PCDH7: variants seen among roughly 807,000 people sequenced by gnomAD.
PCDH7 encodes the protein protocadherin 7.
PCDH7 carries 17 observed loss-of-function variants against 58.9 expected under a neutral mutation model. The observed-to-expected ratio is 0.29, with a 90% CI of 0.20 to 0.43. The LOEUF (loss-of-function observed/expected upper bound fraction) is 0.43. Among genes scored for constraint, PCDH7 ranks in the 20% least tolerant of loss-of-function variants. The pLI, the probability that PCDH7 is intolerant of heterozygous loss-of-function variation, is 1.00. For missense variants in PCDH7, 1,274 were observed against 1,441.0 expected (o/e 0.88, Z 1.88); for synonymous variants, 664 against 616.4 (o/e 1.08, Z -1.14).
chr4:31,066,809 A>G (rs1758132471), intron 3 of PCDH7, among the ~76,000 whole-genome samples: 2 of 151,846 alleles, frequency 1.3e-5, no homozygotes, highest in African/African-American at 4.8e-5. Context: ...ATTTCCTTTA[A>G]CTCTCCACCT....
At chr4:30,890,274 T>C (rs1197578228) in intron 1 of PCDH7, among the ~76,000 whole-genome samples, 2 of 152,116 alleles carry the variant, frequency 1.3e-5, no homozygotes, top group Non-Finnish European at 2.9e-5. Context: ...TGTCTGACTT[T>C]CATTTAATGC....
intron 3 of PCDH7, among the ~76,000 whole-genome samples, chr4:30,995,298 A>G (rs1751790178): frequency 6.6e-6 from 1 of 152,092 alleles, no homozygotes; most frequent in Non-Finnish European, 1.5e-5. Flanking sequence ...CAGGAGGATC[A>G]TGAGGTCAGG....
At chr4:31,011,730 A>G (rs1455146847) in intron 3 of PCDH7, among the ~76,000 whole-genome samples, 2 of 152,020 alleles carry the variant, frequency 1.3e-5, no homozygotes, top group Non-Finnish European at 1.5e-5. Flanking sequence ...AATCACTACC[A>G]TAGTTCAAAA....
At chr4:30,984,605 T>A (rs146159609) in intron 3 of PCDH7, among the ~76,000 whole-genome samples, 2 of 152,266 alleles carry the variant, frequency 1.3e-5, no homozygotes, top group African/African-American at 4.8e-5. Flanking sequence ...AAACTTAAGG[T>A]TTAGAATTGT....
At position 31,119,566 on chromosome 4, in the gene PCDH7, C is replaced by T. The variant is rs115298905; in HGVS notation, c.*8-22907C>T. ...TTATTAAAAAGCTTTAGAGCAGGAACGAAAGGAAGAAAAGTATACTTGAAA... is the reference window on the plus strand; with the variant it reads ...TTATTAAAAAGCTTTAGAGCAGGAATGAAAGGAAGAAAAGTATACTTGAAA... On this transcript the variant is annotated intron_variant, in intron 3 of 3. Coordinates refer to the PCDH7 transcript ENST00000509759. 5.0e-3 allele frequency among the ~76,000 whole-genome samples: 765 copies of T among 152,032 alleles called. 9 individuals are homozygous for T. The highest frequency in any genetic ancestry group is 0.018 in the African/African-American group (739 of 41,470).
At chr4:31,100,781 A>G (rs1453849172) in intron 3 of PCDH7, among the ~76,000 whole-genome samples, 4 of 152,170 alleles carry the variant, frequency 2.6e-5, no homozygotes. Context: ...GTGGCCTGAT[A>G]TAAACTGTTT....
intron 3 of PCDH7, among the ~76,000 whole-genome samples, chr4:30,984,321 T>C (rs1750798408): frequency 6.6e-6 from 1 of 152,164 alleles, no homozygotes; most frequent in African/African-American, 2.4e-5. Context: ...TCCTTAAATA[T>C]TTGGGAATCT....
At chr4:31,004,595 A>G (rs1012098289) in intron 3 of PCDH7, among the ~76,000 whole-genome samples, 1 of 152,154 alleles carries the variant, frequency 6.6e-6, no homozygotes, top group Non-Finnish European at 1.5e-5. Context: ...CTGAGGCACA[A>G]GAATCGCTTG....
At chr4:30,845,425 T>C (rs1394726326) in intron 1 of PCDH7, among the ~76,000 whole-genome samples, 1 of 152,186 alleles carries the variant, frequency 6.6e-6, no homozygotes, top group Non-Finnish European at 1.5e-5. Flanking sequence ...AAGTTCCAGT[T>C]CTAGTAAAAC....
chr4:30,891,976 A>T (rs1040303067), intron 1 of PCDH7, among the ~76,000 whole-genome samples: 3 of 151,952 alleles, frequency 2.0e-5, no homozygotes, highest in African/African-American at 2.4e-5. Flanking sequence ...AAAAAGAGAG[A>T]TACTCTGTCA....
At position 31,010,654 on chromosome 4, in the gene PCDH7, A is replaced by G. The variant is rs1028486426; in HGVS notation, c.*7+60439A>G. 2.0e-5 allele frequency among the ~76,000 whole-genome samples: 3 copies of G among 151,874 alleles called. 1 individual carries two copies. The highest frequency in any genetic ancestry group is 4.4e-5 in the Non-Finnish European group (3 of 67,872). ...TAACACTAAAGCAATATTCTTAAGC[A>G]CTTTGGAAGATAATTTGACCATCTA... On this transcript the variant is annotated intron_variant, in intron 3 of 3. Transcript: ENST00000509759.
chr4:30,970,867 A>G (rs1018755288), intron 3 of PCDH7, among the ~76,000 whole-genome samples: 3 of 152,194 alleles, frequency 2.0e-5, no homozygotes, highest in Admixed American at 2.0e-4. Context: ...AAGTAGTGAA[A>G]GTTGCTTCAT....
intron 1 of PCDH7, among the ~76,000 whole-genome samples, chr4:30,741,431 C>G (rs1244097261): frequency 6.6e-6 from 1 of 152,010 alleles, no homozygotes; most frequent in Non-Finnish European, 1.5e-5. Flanking sequence ...TGATGTTAAG[C>G]CATCTGCCCG....
intron 3 of PCDH7, among the ~76,000 whole-genome samples, chr4:31,014,724 G>A (rs1753473777): frequency 6.6e-6 from 1 of 152,028 alleles, no homozygotes; most frequent in Non-Finnish European, 1.5e-5. Context: ...AATTAATAAT[G>A]TACTTTTCTT....
intron 1 of PCDH7, among the ~76,000 whole-genome samples, chr4:30,909,441 A>C (rs1741432015): frequency 6.6e-6 from 1 of 152,202 alleles, no homozygotes. Context: ...CCATCTTCTC[A>C]GCCCAAAAAC....
downstream of PCDH7, among the ~76,000 whole-genome samples, chr4:30,736,562 G>A (rs1339185414): frequency 2.7e-5 from 4 of 146,068 alleles, no homozygotes; most frequent in African/African-American, 1.0e-4. Context: ...TTGAGACGGG[G>A]TCTCGCTCTG....
chr4:31,081,980 C>T (rs1049461895), intron 3 of PCDH7, among the ~76,000 whole-genome samples: 2 of 152,064 alleles, frequency 1.3e-5, no homozygotes, highest in African/African-American at 2.4e-5. Flanking sequence ...ACCATGTTGG[C>T]CAGGCTGGTC....
At chr4:30,844,371 C>A (rs138186287) in intron 1 of PCDH7, among the ~76,000 whole-genome samples, 17 of 152,220 alleles carry the variant, frequency 1.1e-4, no homozygotes, top group African/African-American at 4.1e-4. Context: ...AAATTTTTTT[C>A]TTGTATACTT....
intron 3 of PCDH7, among the ~76,000 whole-genome samples, chr4:31,023,095 A>G (rs1239740809): frequency 6.6e-6 from 1 of 152,198 alleles, no homozygotes; most frequent in Non-Finnish European, 1.5e-5. Flanking sequence ...AACTTAAGAC[A>G]TGTTAGTATG....
Sources: allele counts gnomAD v4.1 joint callset (sites outside exome capture counted in the v4.1 genomes callset), GRCh38; gene constraint gnomAD v4.1.1; transcripts MANE v1.5; gene names NCBI Gene and HGNC (gene_info 2026-07-23, HGNC 2026-07-21).